The following SLC11A2 variants were observed in gnomAD, a reference collection of about 807,000 sequenced individuals.
SLC11A2 encodes the protein solute carrier family 11 member 2.
In SLC11A2, 38 loss-of-function variants were observed where a neutral mutation model predicts 68.0. The observed-to-expected ratio is 0.56, with a 90% CI of 0.43 to 0.73. SLC11A2 has a LOEUF of 0.73. Among genes scored for constraint, SLC11A2 ranks in the 30% least tolerant of loss-of-function variants. SLC11A2 has a pLI of 0.00. For synonymous variants in SLC11A2, 242 were observed against 250.6 expected, an observed-to-expected ratio of 0.97 and a Z score of 0.32; for missense variants, 517 against 690.5, an observed-to-expected ratio of 0.75 and a Z score of 2.82.
the SLC11A2 span, among the ~76,000 whole-genome samples, chr12:50,963,446 T>C: frequency 6.8e-6 from 1 of 147,146 alleles, no homozygotes. Flanking sequence ...CCTGCAAAGA[T>C]GAGCTAGAAC....
intron 5 of SLC11A2, among the ~76,000 whole-genome samples, chr12:51,002,525 G>A (rs183038932): frequency 1.3e-5 from 2 of 151,180 alleles, no homozygotes; most frequent in East Asian, 3.9e-4. Context: ...TGTAATCCCA[G>A]CTACTCGGGA....
chr12:50,992,246 C>T lies in SLC11A2; in HGVS notation c.1291G>A (p.Asp431Asn). The T allele has an allele frequency of 1.2e-6, 2 of 1,614,078 alleles. No homozygotes were observed. The highest frequency in any genetic ancestry group is 4.5e-5 in the East Asian group (2 of 44,880). ...IPTLLVAVFQ[D>N]VEHLTGMNDF... ...TTCATCCCTGTTAGATGCTCTACAT[C>T]TTGGAAGACAGCAACAAGCAGAGTG... is the stretch of plus-strand genomic sequence containing the variant. Residue 431 changes from aspartate (D) to asparagine (N), a missense_variant, in exon 13 of 16, where the codon GAT (aspartate) becomes AAT (asparagine). Asp to Asn is a conservative substitution (Grantham distance 23, BLOSUM62 1). Coordinates refer to ENST00000262052, the MANE Select transcript of SLC11A2 (RefSeq NM_000617.3).
At chr12:51,007,046 T>C (rs1385267633) in intron 3 of SLC11A2, among the ~76,000 whole-genome samples, 1 of 151,806 alleles carries the variant, frequency 6.6e-6, no homozygotes, top group Admixed American at 6.6e-5. Flanking sequence ...CTGCACCCAG[T>C]GTCAATCAAT....
downstream of SLC11A2, among the ~76,000 whole-genome samples, chr12:50,978,606 CG>C (rs34973964): frequency 0.69 from 104,285 of 150,264 alleles, 37,424 homozygotes; most frequent in East Asian, 0.87. Context: ...CAAACCTGCA[CG>C]CTGTGCACAT....
downstream of SLC11A2, among the ~76,000 whole-genome samples, chr12:50,983,798 C>T (rs1001085871): frequency 2.0e-5 from 3 of 151,932 alleles, no homozygotes; most frequent in African/African-American, 7.3e-5. Context: ...TGGTGAATCC[C>T]CATCTCTAAA....
chr12:51,009,209 A>G, intron 2 of SLC11A2: 1 of 1,436,202 alleles, frequency 7.0e-7, no homozygotes, highest in Non-Finnish European at 9.1e-7. Flanking sequence ...CTAAACTCTG[A>G]AGCTGCAGCA....
At chr12:51,008,691 G>A in intron 2 of SLC11A2, 67 bp from the exon 3 acceptor site, 1 of 1,280,678 alleles carries the variant, frequency 7.8e-7, no homozygotes, top group Non-Finnish European at 1.1e-6. Context: ...TTCATCCTTA[G>A]TATACTGAAA....
At chr12:50,957,568 A>G in the SLC11A2 span, among the ~76,000 whole-genome samples, 1 of 151,904 alleles carries the variant, frequency 6.6e-6, no homozygotes, top group African/African-American at 2.4e-5. Context: ...TACTAACAAG[A>G]AGCATCTGGA....
At chr12:50,968,042 C>A in the SLC11A2 span, among the ~76,000 whole-genome samples, 1 of 152,028 alleles carries the variant, frequency 6.6e-6, no homozygotes. Flanking sequence ...GCCTTGCTCA[C>A]GCCACTGCAC....
rs1942948879 is a variant in SLC11A2, at chr12:51,008,567, T to C, written c.92A>G (p.Tyr31Cys). 9 of 1,611,998 alleles carry C rather than the reference T, an allele frequency of 5.6e-6. No individual in the cohort carries two copies. Among genetic ancestry groups the C allele is most frequent in the Middle Eastern group, 3.3e-4 (2 of 6,080 alleles). Residue 31 changes from tyrosine (Y) to cysteine (C), a missense_variant, in exon 3 of 16, where the codon TAT becomes TGT. By Grantham distance (194) the Tyr-to-Cys change is radical. Coordinates refer to ENST00000262052, the MANE Select transcript of SLC11A2 (RefSeq NM_000617.3). Reference sequence around the variant, plus strand: ...GGACTGTGAAAGAGAGGGATTACTATAGGCAGGGTTGATGTTACCAAGACT... The same window carrying C: ...GGACTGTGAAAGAGAGGGATTACTACAGGCAGGGTTGATGTTACCAAGACT... ...SASLGNINPAYSNPSLSQSPG... is the reference protein window; with the variant it reads ...SASLGNINPACSNPSLSQSPG...
chr12:50,989,682 T>C (rs999654584), intron 15 of SLC11A2, among the ~76,000 whole-genome samples: 13 of 152,176 alleles, frequency 8.5e-5, no homozygotes, highest in African/African-American at 1.7e-4. Flanking sequence ...TCCTAGATCA[T>C]AGGGTCAGTA....
chr12:51,028,753 C>T (rs1944473371), upstream of SLC11A2, among the ~76,000 whole-genome samples: 1 of 152,126 alleles, frequency 6.6e-6, no homozygotes, highest in African/African-American at 2.4e-5. Flanking sequence ...AGTCTCAGAA[C>T]GTGGGTGGAA....
chr12:51,026,345 C>T lies in SLC11A2; in HGVS notation c.-74G>A. ...CCGCAACCACCTGACACGCCGCCCCCGCGCCCAGGGCTCCATATTCCGGGA... is the reference window on the plus strand; with the variant it reads ...CCGCAACCACCTGACACGCCGCCCCTGCGCCCAGGGCTCCATATTCCGGGA... On this transcript the variant is annotated 5_prime_UTR_variant, in exon 1 of 16. Transcript: ENST00000262052. 1.6e-6 allele frequency: 2 copies of T among 1,281,518 alleles called. No individual in the cohort carries two copies. The highest frequency in any genetic ancestry group is 2.0e-6 in the Non-Finnish European group (2 of 984,040). 79.4% of individuals were successfully genotyped at this position (1,281,518 alleles called of 1,614,324 possible).
Position 50,995,639 on chromosome 12 carries a change from T to C in SLC11A2, c.980A>G (p.Asn327Ser), listed in dbSNP as rs1941634712. Residue 327 changes from asparagine to serine, a missense_variant, in exon 10 of 16, where the codon AAC becomes AGC. Transcript: ENST00000262052. ...CCCTGGCTTACTCACCACCTGCTCG[T>C]TGGTTTTCCCAAAAAATGCTTCAGC... The part of the protein sequence containing the change: ...VFAEAFFGKT[N>S]EQVVEVCTNT... 2 of 1,614,130 alleles carry C rather than the reference T, an allele frequency of 1.2e-6. No individual in the cohort carries two copies. Among genetic ancestry groups the C allele is most frequent in the Non-Finnish European group, 1.7e-6 (2 of 1,179,992 alleles).
At chr12:51,025,792 T>G in intron 1 of SLC11A2, 1 of 986,132 alleles carries the variant, frequency 1.0e-6, no homozygotes, top group Non-Finnish European at 1.2e-6. Flanking sequence ...GAGCCGCGTA[T>G]GCAGGCTATT....
In SLC11A2 at chr12:51,016,455, G is replaced by A. The variant is rs572621493; in HGVS notation, c.-38-5689C>T. On this transcript the variant is annotated intron_variant, in intron 1 of 15. Transcript: ENST00000262052. ...TCCCAGCACTTTGGGAGGCTGAGGC[G>A]GGCAGATCGTGAGGTCGAGAGCTTG... is the stretch of plus-strand genomic sequence containing the variant. Among the ~76,000 whole-genome samples, 28 of 151,724 alleles carry A rather than the reference G, an allele frequency of 1.8e-4. No homozygotes were observed. The South Asian group carries it at 3.7e-3, about 20-fold the overall frequency.
At chr12:51,011,314 G>A (rs1943204905) in intron 1 of SLC11A2, among the ~76,000 whole-genome samples, 1 of 151,836 alleles carries the variant, frequency 6.6e-6, no homozygotes, top group African/African-American at 2.4e-5. Flanking sequence ...ATTTTTAGTA[G>A]AGACAGGGTT....
At chr12:50,962,311 T>G in the SLC11A2 span, among the ~76,000 whole-genome samples, 3 of 151,676 alleles carry the variant, frequency 2.0e-5, no homozygotes, top group African/African-American at 7.3e-5. Context: ...TGGGGGAGGC[T>G]GAGGCAGGAG....
chr12:51,022,183 C>T (rs999330016), intron 1 of SLC11A2, among the ~76,000 whole-genome samples: 16 of 152,170 alleles, frequency 1.1e-4, no homozygotes, highest in African/African-American at 3.9e-4. Flanking sequence ...TTTTGGGGGA[C>T]AAACCTGGCC....
Sources: allele counts gnomAD v4.1 joint callset (sites outside exome capture counted in the v4.1 genomes callset), GRCh38; gene constraint gnomAD v4.1.1; transcripts MANE v1.5; gene names NCBI Gene and HGNC (gene_info 2026-07-23, HGNC 2026-07-21).